ERICH1: variants seen among roughly 807,000 people sequenced by gnomAD.
The protein encoded by ERICH1 is glutamate rich 1, also known as glutamate-rich protein 1.
In ERICH1, 56 loss-of-function variants were observed where a neutral mutation model predicts 39.6. That is an observed-to-expected ratio of 1.41 (90% CI 1.14 to 1.77). The LOEUF (loss-of-function observed/expected upper bound fraction) is 1.77, where lower values mean the gene tolerates loss of function less well. Ranked by LOEUF, ERICH1 falls within the 40% of genes most tolerant of loss-of-function variation. The pLI is 0.00. For synonymous variants in ERICH1, 313 were observed against 223.6 expected (o/e 1.40, Z -3.57); for missense variants, 826 against 575.4 (o/e 1.44, Z -4.45).
chr8:666,108 T>C (rs1802195610), intron 5 of ERICH1: 1 of 152,120 alleles, frequency 6.6e-6, no homozygotes. Context: ...CTACACACAG[T>C]TTAGTTCTAT....
chr8:720,041 G>C (rs780957942), intron 1 of ERICH1, among the ~76,000 whole-genome samples: 1 of 152,058 alleles, frequency 6.6e-6, no homozygotes. Flanking sequence ...CCAACATTTA[G>C]AAAGCAGAAC....
intron 3 of ERICH1, among the ~76,000 whole-genome samples, chr8:631,120 T>C (rs1798011711): frequency 1.3e-5 from 2 of 152,244 alleles, no homozygotes; most frequent in South Asian, 4.1e-4. Context: ...CACCCTCCTA[T>C]GATCACCCAC....
At chr8:693,467 T>C (rs1809408771) in intron 2 of ERICH1, among the ~76,000 whole-genome samples, 1 of 152,234 alleles carries the variant, frequency 6.6e-6, no homozygotes, top group Non-Finnish European at 1.5e-5. Flanking sequence ...CTTTCCTCAA[T>C]GGCCATGTGG....
chr8:615,357 T>C (rs985486758), intron 3 of ERICH1: 4 of 597,066 alleles, frequency 6.7e-6, no homozygotes, highest in South Asian at 6.3e-5. Flanking sequence ...CACAGATGTG[T>C]GCCGATTGCT....
chr8:689,287 T>A (rs1212429609), intron 3 of ERICH1, among the ~76,000 whole-genome samples: 5 of 152,202 alleles, frequency 3.3e-5, no homozygotes, highest in African/African-American at 9.7e-5. Context: ...AATTTTTATA[T>A]TTTAGTAGAG....
chr8:668,201 A>G, intron 5 of ERICH1: 1 of 260,342 alleles, frequency 3.8e-6, no homozygotes, highest in Non-Finnish European at 7.4e-6. Context: ...GCAGAAAATA[A>G]AAGTCGTCAT....
intron 4 of ERICH1, 127 bp from the exon 5 acceptor site, chr8:668,919 T>C (rs1450607346): frequency 3.7e-6 from 3 of 821,484 alleles, no homozygotes; most frequent in Admixed American, 2.9e-5. Context: ...ATCTGGGAGA[T>C]GAGAAGCTAC....
chr8:670,495 C>G (rs1465192841), intron 4 of ERICH1, among the ~76,000 whole-genome samples: 4 of 152,180 alleles, frequency 2.6e-5, no homozygotes, highest in Non-Finnish European at 5.9e-5. Context: ...GGGGGATCCC[C>G]TGGACCGTGC....
chr8:678,453 A>G (rs552031491), intron 3 of ERICH1, among the ~76,000 whole-genome samples: 67 of 152,360 alleles, frequency 4.4e-4, no homozygotes, highest in Middle Eastern at 3.4e-3. Context: ...GAAAATCACA[A>G]TATTCCTGCA....
chr8:633,194 T>C (rs1798161461), intron 3 of ERICH1, among the ~76,000 whole-genome samples: 1 of 152,182 alleles, frequency 6.6e-6, no homozygotes, highest in Admixed American at 6.5e-5. Flanking sequence ...ACGGAGGCTG[T>C]GCACACCCTA....
At chr8:687,218 CT>C (rs1272740487) in intron 3 of ERICH1, among the ~76,000 whole-genome samples, 1 of 152,214 alleles carries the variant, frequency 6.6e-6, no homozygotes, top group Non-Finnish European at 1.5e-5. Context: ...ATGTTCATGA[CT>C]CTGTAGCTGG....
intron 1 of ERICH1, among the ~76,000 whole-genome samples, chr8:720,309 G>A (rs1028361549): frequency 1.3e-5 from 2 of 152,092 alleles, no homozygotes; most frequent in Non-Finnish European, 2.9e-5. Context: ...CCACGGACAT[G>A]ACCGATGGCA....
intron 2 of ERICH1, among the ~76,000 whole-genome samples, chr8:695,761 C>A (rs1810072154): frequency 9.2e-6 from 1 of 108,990 alleles, no homozygotes; most frequent in South Asian, 3.3e-4. Context: ...GCTCCTCTCA[C>A]CCTCCACTCC....
intron 1 of ERICH1, among the ~76,000 whole-genome samples, chr8:719,867 GC>G (rs1563351635): frequency 1.3e-5 from 2 of 152,132 alleles, no homozygotes; most frequent in African/African-American, 4.8e-5. Context: ...CCCAGCACTG[GC>G]CACAGGGTCC....
chr8:724,339 A>T (rs143249394), intron 1 of ERICH1, among the ~76,000 whole-genome samples: 162 of 152,380 alleles, frequency 1.1e-3, no homozygotes, highest in African/African-American at 3.8e-3. Flanking sequence ...GAAAGAAAAT[A>T]TTCCACGCAA....
chr8:647,352 G>A lies in ERICH1; in HGVS notation c.976+21246C>T, dbSNP rs1454586439. On this transcript the variant is annotated intron_variant, in intron 3 of 3. Transcript: ENST00000522706. Reference sequence around the variant, plus strand: ...TGGTCATAATAAAATCCAGAATTAGGCAAAGAGTTTGCCATGGTGCACTGG... The same window carrying A: ...TGGTCATAATAAAATCCAGAATTAGACAAAGAGTTTGCCATGGTGCACTGG... Among the ~76,000 whole-genome samples, 6 of 67,400 alleles carry A rather than the reference G, an allele frequency of 8.9e-5. 2 individuals are homozygous for A. The highest frequency in any genetic ancestry group is 2.3e-4 in the Non-Finnish European group (5 of 21,926). The allele number at this position is 67,400 out of a possible 152,430, so 44.2% of individuals were successfully genotyped here. A position where few individuals can be genotyped will look rare whatever the true frequency, so the allele number is the denominator to read the frequency against.
At chr8:687,730 G>A (rs901475999) in intron 3 of ERICH1, among the ~76,000 whole-genome samples, 2 of 152,166 alleles carry the variant, frequency 1.3e-5, no homozygotes, top group African/African-American at 4.8e-5. Flanking sequence ...GCCAGTGCCC[G>A]CCGCGCCCGG....
chr8:681,523 G>A (rs549403620), intron 3 of ERICH1, among the ~76,000 whole-genome samples: 1 of 152,166 alleles, frequency 6.6e-6, no homozygotes, highest in African/African-American at 2.4e-5. Flanking sequence ...AGAGTAATCA[G>A]AACTTGAAGG....
Position 704,576 on chromosome 8 carries a change from G to A in ERICH1, c.169+11285C>T, listed in dbSNP as rs368337943. Among the ~76,000 whole-genome samples the A allele has an allele frequency of 4.6e-5, 7 of 152,194 alleles. No individual in the cohort carries two copies. In the South Asian group the frequency reaches 1.2e-3, roughly 27 times the overall value. ...TGTGTTATGTGACTCAGCAAGAAACGGTGTTTACGGAGACATAAACATGTA... is the reference window on the plus strand; with the variant it reads ...TGTGTTATGTGACTCAGCAAGAAACAGTGTTTACGGAGACATAAACATGTA... On this transcript the variant is annotated intron_variant, in intron 2 of 5. Transcript: ENST00000262109.
Sources: gnomAD v4.1 joint callset for allele counts (sites outside exome capture counted in the v4.1 genomes callset) on GRCh38, gnomAD v4.1.1 for gene constraint, MANE v1.5 for transcripts, NCBI Gene and HGNC (gene_info 2026-07-23, HGNC 2026-07-21) for gene names.